UNC13C: variants seen among roughly 807,000 people sequenced by gnomAD.
UNC13C encodes the protein unc-13 homolog C.
Under a neutral mutation model 245.4 loss-of-function variants are expected in UNC13C, and 174 were observed. That is an observed-to-expected ratio of 0.71 (90% CI 0.63 to 0.80). The LOEUF is 0.80. Among genes scored for constraint, UNC13C ranks in the 30% least tolerant of loss-of-function variants. UNC13C has a pLI of 0.00. For synonymous variants in UNC13C, 992 were observed against 895.1 expected (o/e 1.11, Z -1.93); for missense variants, 2,829 against 2,602.9 (o/e 1.09, Z -1.89).
intron 2 of UNC13C, among the ~76,000 whole-genome samples, chr15:54,080,006 G>GTTTTTTTTTTTTTTTT (rs3985784): frequency 1.5e-5 from 2 of 129,902 alleles, no homozygotes. Flanking sequence ...TTGTCGAGCG[G>GTTTTTTTTTTTTTTTT]TTTTTTTTTT....
intron 2 of UNC13C, among the ~76,000 whole-genome samples, chr15:54,116,299 C>G (rs1277950490): frequency 6.6e-6 from 1 of 152,054 alleles, no homozygotes; most frequent in African/African-American, 2.4e-5. Flanking sequence ...CCCCTTCTAG[C>G]TATTTTGAAA....
intron 19 of UNC13C, among the ~76,000 whole-genome samples, chr15:54,448,157 G>A (rs60331464): frequency 1.3e-5 from 2 of 152,150 alleles, no homozygotes; most frequent in African/African-American, 2.4e-5. Context: ...TATAATTTCT[G>A]TTCTTTTATG....
At chr15:54,589,280 C>CTTG (rs1898647025) in intron 30 of UNC13C, among the ~76,000 whole-genome samples, 1 of 98,648 alleles carries the variant, frequency 1.0e-5, no homozygotes, top group Admixed American at 1.2e-4. Context: ...TGTATATCTT[C>CTTG]TTCTTCTTCT....
the UNC13C span, among the ~76,000 whole-genome samples, chr15:53,839,249 CTAAAAACTGCTAACATT>C: frequency 6.6e-6 from 1 of 151,982 alleles, no homozygotes; most frequent in African/African-American, 2.4e-5. Context: ...CTGTAGGTTT[CTAAAAACTGCTAACATT>C]TCCAGTGATT....
intron 2 of UNC13C, among the ~76,000 whole-genome samples, chr15:54,140,292 A>G (rs1275640753): frequency 6.6e-6 from 1 of 152,204 alleles, no homozygotes; most frequent in Non-Finnish European, 1.5e-5. Flanking sequence ...CATTATTCAG[A>G]TTTTTAGCTA....
chr15:53,954,594 C>G, the UNC13C span, among the ~76,000 whole-genome samples: 7 of 152,174 alleles, frequency 4.6e-5, no homozygotes, highest in African/African-American at 1.7e-4. Context: ...TATGTTTTCA[C>G]AACTTGCTAT....
chr15:54,201,029 T>C (rs1368152592), intron 4 of UNC13C, among the ~76,000 whole-genome samples: 1 of 151,930 alleles, frequency 6.6e-6, no homozygotes, highest in Non-Finnish European at 1.5e-5. Context: ...AAGGCTACAA[T>C]GAACACCTTT....
chr15:54,265,503 A>G lies in UNC13C; in HGVS notation c.3818+7A>G. ...GGGATGAGAAGTTTTATTTGTGAGT[A>G]TATAATGTGAAACCTTTACAAATAT... On this transcript the variant is annotated splice_region_variant and intron_variant, in intron 10 of 32. Coordinates refer to ENST00000260323, the MANE Select transcript of UNC13C (RefSeq NM_001080534.3). 6.6e-7 allele frequency: 1 copy of G among 1,516,926 alleles called. No individual in the cohort carries two copies. The highest frequency in any genetic ancestry group is 8.9e-7 in the Non-Finnish European group (1 of 1,126,548). 94.0% of individuals were successfully genotyped at this position (1,516,926 alleles called of 1,614,324 possible).
At chr15:54,617,760 A>G (rs1189060161) in intron 30 of UNC13C, among the ~76,000 whole-genome samples, 1 of 152,148 alleles carries the variant, frequency 6.6e-6, no homozygotes, top group Admixed American at 6.6e-5. Flanking sequence ...ATCTTGGATG[A>G]TGCCTAATGA....
chr15:53,901,968 C>A, the UNC13C span, among the ~76,000 whole-genome samples: 1 of 152,068 alleles, frequency 6.6e-6, no homozygotes, highest in Non-Finnish European at 1.5e-5. Flanking sequence ...TAAGTTATTA[C>A]CCATTTCCAT....
chr15:54,345,484 C>T (rs1472082637), intron 17 of UNC13C, among the ~76,000 whole-genome samples: 1 of 152,160 alleles, frequency 6.6e-6, no homozygotes, highest in African/African-American at 2.4e-5. Context: ...AACATCTTGT[C>T]ACCTGCAGTG....
At chr15:54,619,549 G>A (rs900708192) in intron 30 of UNC13C, among the ~76,000 whole-genome samples, 4 of 152,174 alleles carry the variant, frequency 2.6e-5, no homozygotes, top group African/African-American at 9.7e-5. Context: ...TGAAAGAAGA[G>A]ACTGGTCACT....
chr15:54,315,161 T>C (rs1284956280), intron 13 of UNC13C, among the ~76,000 whole-genome samples: 1 of 151,746 alleles, frequency 6.6e-6, no homozygotes, highest in East Asian at 1.9e-4. Context: ...CTTCATGTAG[T>C]TCACAAGAGA....
upstream of UNC13C, among the ~76,000 whole-genome samples, chr15:53,978,404 G>T (rs549176062): frequency 1.3e-5 from 2 of 152,316 alleles, no homozygotes; most frequent in African/African-American, 4.8e-5. Flanking sequence ...CGCTCTCGGT[G>T]GAGGAGGCTG....
At chr15:53,989,916 C>G (rs910515459) in intron 1 of UNC13C, among the ~76,000 whole-genome samples, 1 of 151,894 alleles carries the variant, frequency 6.6e-6, no homozygotes, top group African/African-American at 2.4e-5. Flanking sequence ...ATAAGGAAAC[C>G]AGAGGAAAAA....
chr15:54,173,774 T>A (rs781268673), intron 4 of UNC13C, among the ~76,000 whole-genome samples: 3 of 152,118 alleles, frequency 2.0e-5, no homozygotes, highest in Non-Finnish European at 4.4e-5. Flanking sequence ...ACAATGGACA[T>A]CCTTGCTTTG....
intron 14 of UNC13C, among the ~76,000 whole-genome samples, chr15:54,330,729 G>T (rs949386600): frequency 4.6e-5 from 7 of 152,166 alleles, no homozygotes; most frequent in Non-Finnish European, 8.8e-5. Context: ...GTTAAGAAAG[G>T]ACTGTATAGC....
rs539648630 is a variant in UNC13C at position 54,075,466 on chromosome 15, C to T, written c.2983+59580C>T. On this transcript the variant is annotated intron_variant, in intron 2 of 32. Transcript: ENST00000260323. ...CAGTGAGCCGGAGCTTGCAGTGAGC[C>T]GGAGCTTGCAGTGAGCCGGAGCTTG... Among the ~76,000 whole-genome samples, 7 of 141,220 alleles carry T rather than the reference C, an allele frequency of 5.0e-5. 1 individual carries two copies. The highest frequency in any genetic ancestry group is 1.5e-4 in the Admixed American group (2 of 13,234). 92.6% of individuals were successfully genotyped at this position (141,220 alleles called of 152,430 possible). A position where few individuals can be genotyped will look rare whatever the true frequency, so the allele number is the denominator to read the frequency against.
chr15:54,339,317 C>T (rs1026903020), intron 17 of UNC13C, among the ~76,000 whole-genome samples: 2 of 152,116 alleles, frequency 1.3e-5, no homozygotes, highest in African/African-American at 2.4e-5. Flanking sequence ...CATTTGGTTA[C>T]ATGAGTAAGT....
Sources: allele counts gnomAD v4.1 joint callset (sites outside exome capture counted in the v4.1 genomes callset), GRCh38; gene constraint gnomAD v4.1.1; transcripts MANE v1.5; gene names NCBI Gene and HGNC (gene_info 2026-07-23, HGNC 2026-07-21).